Variants in MAL observed in about 807,000 individuals in gnomAD.
MAL encodes the protein mal, T cell differentiation protein (MAL blood group).
MAL carries 5 observed loss-of-function variants against 16.7 expected under a neutral mutation model. That is an observed-to-expected ratio of 0.30 (90% confidence interval 0.16 to 0.63). MAL has a LOEUF of 0.63. MAL is among the 30% of genes least tolerant of loss of function. The probability of loss-of-function intolerance (pLI) is 0.82; values close to 1 mark genes in which losing one functional copy is unlikely to be tolerated. For missense variants in MAL, 202 were observed against 195.8 expected, an observed-to-expected ratio of 1.03 and a Z score of -0.19; for synonymous variants, 96 against 85.5, an observed-to-expected ratio of 1.12 and a Z score of -0.67.
chr2:95,047,412 T>A (rs979087365), intron 1 of MAL, among the ~76,000 whole-genome samples: 7 of 152,168 alleles, frequency 4.6e-5, no homozygotes, highest in Non-Finnish European at 1.0e-4. Flanking sequence ...AATAAAAAAA[T>A]TAAACCCATA....
chr2:95,035,138 C>T (rs1456810797), intron 1 of MAL, among the ~76,000 whole-genome samples: 2 of 152,212 alleles, frequency 1.3e-5, no homozygotes, highest in Non-Finnish European at 2.9e-5. Context: ...TGGACCCTCC[C>T]AGACCCTGGG....
At chr2:95,031,739 G>A (rs1390666960) in intron 1 of MAL, among the ~76,000 whole-genome samples, 1 of 152,224 alleles carries the variant, frequency 6.6e-6, no homozygotes, top group African/African-American at 2.4e-5. Flanking sequence ...TTCTCTGACT[G>A]TGTCCACTGG....
chr2:95,045,598 T>C lies in MAL; in HGVS notation c.94-2361T>C, dbSNP rs1305576064. On this transcript the variant is annotated intron_variant, in intron 1 of 3. Coordinates refer to ENST00000309988, the MANE Select transcript of MAL (RefSeq NM_002371.4). Reference sequence around the variant, plus strand: ...AGACGTGCAGGACTCCCTGAGACTGTGTGAACGAGGAAGCAACTTAAATTG... The same window carrying C: ...AGACGTGCAGGACTCCCTGAGACTGCGTGAACGAGGAAGCAACTTAAATTG... 5.9e-5 allele frequency among the ~76,000 whole-genome samples: 9 copies of C among 152,192 alleles called. 1 individual carries two copies. Among genetic ancestry groups the C allele is most frequent in the African/African-American group, 2.2e-4 (9 of 41,454 alleles).
intron 1 of MAL, among the ~76,000 whole-genome samples, chr2:95,042,609 G>T (rs1674496324): frequency 6.6e-6 from 1 of 152,180 alleles, no homozygotes; most frequent in Non-Finnish European, 1.5e-5. Context: ...CTATTTTGAT[G>T]GACAGTAACA....
chr2:95,037,695 G>A (rs1252288212), intron 1 of MAL, among the ~76,000 whole-genome samples: 163 of 100,080 alleles, frequency 1.6e-3, no homozygotes, highest in African/African-American at 2.3e-3. Context: ...TGAGTGAGTG[G>A]GTGAGTGAGT....
chr2:95,025,845 T>G lies in MAL; in HGVS notation c.53T>G (p.Val18Gly), dbSNP rs776450028. The G allele has an allele frequency of 6.3e-7, 1 of 1,579,114 alleles. No individual in the cohort carries two copies. Among genetic ancestry groups the G allele is most frequent in the Non-Finnish European group, 8.6e-7 (1 of 1,163,582 alleles). The stretch of plus-strand genomic sequence containing the variant: ...AGCACCCTGCCCAGTGGCTTCTCGG[T>G]CTTCACCACCTTGCCCGACTTGCTC... ...GGSTLPSGFSVFTTLPDLLFI... is the reference protein window; with the variant it reads ...GGSTLPSGFSGFTTLPDLLFI... Residue 18 changes from valine to glycine, a missense_variant, in exon 1 of 4, where the codon GTC becomes GGC. By Grantham distance (109) the Val-to-Gly change is moderately radical. Coordinates refer to ENST00000309988, the MANE Select transcript of MAL (RefSeq NM_002371.4). The surrounding 1 kb of genome is among the most constrained non-coding windows in gnomAD (Gnocchi z 5.6).
chr2:95,038,220 GTGAGTGACTGAGTGAC>G (rs1456317796), intron 1 of MAL, among the ~76,000 whole-genome samples: 6 of 93,322 alleles, frequency 6.4e-5, no homozygotes, highest in South Asian at 3.6e-4. Context: ...GACTCAGTGA[GTGAGTGACTGAGTGAC>G]TGAGTGTGTG....
chr2:95,049,754 C>A, intron 3 of MAL, 48 bp downstream of exon 3: 2 of 1,609,436 alleles, frequency 1.2e-6, no homozygotes, highest in Non-Finnish European at 1.7e-6. Context: ...GGCTCCGTGG[C>A]TGGCAGGGTG....
intron 1 of MAL, among the ~76,000 whole-genome samples, chr2:95,032,224 G>A (rs1194013106): frequency 5.9e-5 from 9 of 152,348 alleles, no homozygotes; most frequent in South Asian, 2.1e-4. Context: ...ACCTATACTC[G>A]CCACACCAGC....
intron 1 of MAL, among the ~76,000 whole-genome samples, chr2:95,036,859 G>T (rs897323898): frequency 1.3e-5 from 2 of 151,554 alleles, no homozygotes; most frequent in Non-Finnish European, 2.9e-5. Flanking sequence ...GTGAGTGAGT[G>T]AGTGACTGAG....
intron 1 of MAL, among the ~76,000 whole-genome samples, chr2:95,033,840 C>T (rs1674143313): frequency 2.0e-5 from 3 of 152,134 alleles, no homozygotes; most frequent in Admixed American, 2.0e-4. Context: ...AACTGTCACA[C>T]CCATGGGGGC....
Position 95,047,946 on chromosome 2 carries a change from T to G in MAL, c.94-13T>G, listed in dbSNP as rs1158204091. ...CCTCTAGGCCAAAACTCACCCCTCCTCCTCCCCCGCAGATCTTCGGGGGCC... is the reference window on the plus strand; with the variant it reads ...CCTCTAGGCCAAAACTCACCCCTCCGCCTCCCCCGCAGATCTTCGGGGGCC... On this transcript the variant is annotated splice_polypyrimidine_tract_variant and intron_variant, in intron 1 of 3. Transcript: ENST00000309988. The G allele has an allele frequency of 1.2e-6, 2 of 1,611,078 alleles. No homozygotes were observed. The highest frequency in any genetic ancestry group is 1.3e-5 in the African/African-American group (1 of 74,786).
chr2:95,044,513 T>A (rs764644300), intron 1 of MAL: 5 of 152,224 alleles, frequency 3.3e-5, no homozygotes, highest in Non-Finnish European at 7.3e-5. Flanking sequence ...AAAGTCGGCC[T>A]CATTTTTTAA....
chr2:95,053,324 C>T (rs567884784), intron 3 of MAL, 57 bp from the exon 4 acceptor site: 12 of 1,196,926 alleles, frequency 1.0e-5, no homozygotes, highest in African/African-American at 7.5e-5. Flanking sequence ...GCAGTGCAGA[C>T]GCTGTGCCTC....
chr2:95,048,183 C>A, intron 2 of MAL, 57 bp downstream of exon 2: 1 of 1,510,982 alleles, frequency 6.6e-7, no homozygotes. Flanking sequence ...GTACTGGTCC[C>A]TGGCCCAGTA....
intron 1 of MAL, among the ~76,000 whole-genome samples, chr2:95,046,293 G>C (rs1483535883): frequency 6.6e-6 from 1 of 152,096 alleles, no homozygotes; most frequent in Non-Finnish European, 1.5e-5. Context: ...CACTTCTGTA[G>C]TACCTTGGAG....
intron 1 of MAL, among the ~76,000 whole-genome samples, chr2:95,039,740 T>C (rs1319536245): frequency 4.7e-5 from 7 of 150,304 alleles, no homozygotes; most frequent in African/African-American, 1.7e-4. Context: ...AGTGAGTGAG[T>C]GGGTGAGTGA....
intron 1 of MAL, among the ~76,000 whole-genome samples, chr2:95,027,158 C>G (rs1003561712): frequency 6.6e-5 from 10 of 152,204 alleles, no homozygotes; most frequent in African/African-American, 9.7e-5. Flanking sequence ...AGCCAGCCCC[C>G]CGCTGGCCTC....
chr2:95,033,482 C>T (rs1674135822), intron 1 of MAL, among the ~76,000 whole-genome samples: 1 of 151,968 alleles, frequency 6.6e-6, no homozygotes, highest in African/African-American at 2.4e-5. Flanking sequence ...TTATTCGCCA[C>T]TTAGTTAACA....
Sources: gnomAD v4.1 joint callset for allele counts (sites outside exome capture counted in the v4.1 genomes callset) on GRCh38, gnomAD v4.1.1 for gene constraint, Gnocchi (gnomAD v3.1) non-coding constraint, MANE v1.5 for transcripts, NCBI Gene and HGNC (gene_info 2026-07-23, HGNC 2026-07-21) for gene names.